Variants in SORBS2 observed in about 807,000 individuals in gnomAD.
SORBS2 encodes sorbin and SH3 domain-containing protein 2.
SORBS2 carries 46 observed loss-of-function variants against 97.7 expected under a neutral mutation model. The observed-to-expected ratio is 0.47, with a 90% CI of 0.37 to 0.60. The LOEUF (loss-of-function observed/expected upper bound fraction) is 0.60, where lower values mean the gene tolerates loss of function less well. Among genes scored for constraint, SORBS2 ranks in the 20% least tolerant of loss-of-function variants. SORBS2 has a pLI of 0.00. For synonymous variants in SORBS2, 476 were observed against 473.4 expected, an observed-to-expected ratio of 1.01 and a Z score of -0.07; for missense variants, 1,316 against 1,282.3, an observed-to-expected ratio of 1.03 and a Z score of -0.40.
intron 1 of SORBS2, among the ~76,000 whole-genome samples, chr4:185,838,658 T>C (rs963007998): frequency 6.6e-6 from 1 of 152,220 alleles, no homozygotes; most frequent in Admixed American, 6.5e-5. Context: ...TCCTGCCTTG[T>C]CTTCAGTCTC....
intron 2 of SORBS2, among the ~76,000 whole-genome samples, chr4:185,705,344 A>G (rs1962198): frequency 0.88 from 133,721 of 152,114 alleles, 58,885 homozygotes; most frequent in Admixed American, 0.93. Context: ...CTTAGAGATC[A>G]AGACCATCCT....
At chr4:185,643,867 C>A (rs546108051) in intron 4 of SORBS2, among the ~76,000 whole-genome samples, 33 of 152,266 alleles carry the variant, frequency 2.2e-4, no homozygotes, top group Middle Eastern at 3.4e-3. Context: ...CCCCTCAGCG[C>A]TGGCCATCGC....
chr4:185,628,433 T>C (rs1337590183), intron 5 of SORBS2, among the ~76,000 whole-genome samples: 1 of 152,192 alleles, frequency 6.6e-6, no homozygotes, highest in Non-Finnish European at 1.5e-5. Flanking sequence ...AGATGTTATA[T>C]TGGAATTCCA....
chr4:185,732,500 C>G (rs578097926), intron 2 of SORBS2, among the ~76,000 whole-genome samples: 37 of 152,320 alleles, frequency 2.4e-4, no homozygotes, highest in African/African-American at 8.9e-4. Context: ...CCTCTGGGTT[C>G]TGGCTTTACT....
At chr4:185,857,600 A>T (rs189475789) in intron 1 of SORBS2, among the ~76,000 whole-genome samples, 2 of 152,224 alleles carry the variant, frequency 1.3e-5, no homozygotes, top group African/African-American at 4.8e-5. Flanking sequence ...GGTTGGACAG[A>T]ATAGAGCCAT....
intron 1 of SORBS2, among the ~76,000 whole-genome samples, chr4:185,800,860 A>G (rs1487640005): frequency 6.6e-6 from 1 of 152,212 alleles, no homozygotes; most frequent in Non-Finnish European, 1.5e-5. Context: ...TGCACTGATC[A>G]CCACAATCAA....
intron 1 of SORBS2, among the ~76,000 whole-genome samples, chr4:185,923,045 T>C (rs1006913898): frequency 6.6e-6 from 1 of 152,134 alleles, no homozygotes; most frequent in Non-Finnish European, 1.5e-5. Context: ...CTCTCCTCTG[T>C]AGAATGGGAA....
chr4:185,677,812 T>C (rs1353596979), intron 4 of SORBS2, among the ~76,000 whole-genome samples: 2 of 152,208 alleles, frequency 1.3e-5, no homozygotes, highest in South Asian at 2.1e-4. Context: ...TCATTTTCAT[T>C]CCATTTAGAA....
At chr4:185,873,247 C>T (rs754589791) in intron 1 of SORBS2, among the ~76,000 whole-genome samples, 1 of 152,048 alleles carries the variant, frequency 6.6e-6, no homozygotes, top group Admixed American at 6.6e-5. Context: ...TCTGACACAC[C>T]GTTTGCATCT....
intron 1 of SORBS2, 113 bp from the exon 2 acceptor site, chr4:185,775,479 G>A (rs977801783): frequency 1.3e-5 from 2 of 152,210 alleles, no homozygotes; most frequent in African/African-American, 2.4e-5. Flanking sequence ...AACAGCAGCC[G>A]GGGTTGTCTG....
At chr4:185,804,726 T>G (rs1322333153) in intron 1 of SORBS2, among the ~76,000 whole-genome samples, 1 of 152,128 alleles carries the variant, frequency 6.6e-6, no homozygotes, top group Non-Finnish European at 1.5e-5. Context: ...TATCAATATC[T>G]TTTGGAGTGA....
chr4:185,817,184 GA>G (rs1443542638), intron 1 of SORBS2, among the ~76,000 whole-genome samples: 1 of 150,966 alleles, frequency 6.6e-6, no homozygotes, highest in Admixed American at 6.6e-5. Flanking sequence ...ACCAGGTGGG[GA>G]AAAAATAATG....
intron 4 of SORBS2, among the ~76,000 whole-genome samples, chr4:185,642,710 C>G (rs537495833): frequency 2.6e-5 from 4 of 152,190 alleles, no homozygotes; most frequent in African/African-American, 4.8e-5. Context: ...AGAACATAAA[C>G]GCATATGCCA....
chr4:185,942,046 G>A (rs951142719), intron 1 of SORBS2, among the ~76,000 whole-genome samples: 8 of 152,078 alleles, frequency 5.3e-5, no homozygotes, highest in Admixed American at 4.6e-4. Flanking sequence ...AACCCAGGAG[G>A]CAGAGGTTGC....
At position 185,606,203 on chromosome 4, in the gene SORBS2, G is replaced by A. The variant is rs112327072; in HGVS notation, c.2796+5577C>T. Reference sequence around the variant, plus strand: ...TCTTCTCTAAAGTGGGGATGATAATGTCACACACCTCACTGGGTTTTGACG... The same window carrying A: ...TCTTCTCTAAAGTGGGGATGATAATATCACACACCTCACTGGGTTTTGACG... On this transcript the variant is annotated intron_variant, in intron 12 of 14. Coordinates refer to ENST00000418609, the Ensembl canonical transcript of SORBS2. The surrounding 1 kb of genome is among the most constrained non-coding windows in gnomAD (Gnocchi z 4.3). 5.8e-3 allele frequency: 5,719 copies of A among 985,342 alleles called. 247 individuals carry two copies. The African/African-American group carries it at 0.091, about 16-fold the overall frequency. 61.0% of individuals were successfully genotyped at this position (985,342 alleles called of 1,614,324 possible).
chr4:185,646,635 G>C, intron 4 of SORBS2, 33 bp downstream of exon 13: 1 of 1,358,094 alleles, frequency 7.4e-7, no homozygotes, highest in African/African-American at 1.4e-5. Flanking sequence ...AGCCCAGCGA[G>C]CTGGCATATT....
chr4:185,802,666 C>G (rs950326734), intron 1 of SORBS2, among the ~76,000 whole-genome samples: 3 of 152,186 alleles, frequency 2.0e-5, no homozygotes, highest in African/African-American at 7.2e-5. Flanking sequence ...AGGGGAAACT[C>G]CAGATACTGT....
chr4:185,665,610 G>T, intron 4 of SORBS2: 1 of 253,554 alleles, frequency 3.9e-6, no homozygotes, highest in Non-Finnish European at 6.2e-6. Context: ...CCTGACAGAT[G>T]GCATAGAATT....
intron 1 of SORBS2, among the ~76,000 whole-genome samples, chr4:185,859,309 G>T (rs2099222346): frequency 6.6e-6 from 1 of 152,138 alleles, no homozygotes; most frequent in African/African-American, 2.4e-5. Flanking sequence ...TTTCCCATGA[G>T]ACAAAACTGA....
Sources: gnomAD v4.1 joint callset for allele counts (sites outside exome capture counted in the v4.1 genomes callset) on GRCh38, gnomAD v4.1.1 for gene constraint, Gnocchi (gnomAD v3.1) non-coding constraint, MANE v1.5 for transcripts, NCBI Gene and HGNC (gene_info 2026-07-23, HGNC 2026-07-21) for gene names.